MME: variants seen among roughly 807,000 people sequenced by gnomAD.
MME encodes neprilysin.
MME carries 98 observed loss-of-function variants against 113.2 expected under a neutral mutation model. The observed-to-expected ratio is 0.87, with a 90% CI of 0.74 to 1.02. MME has a LOEUF of 1.02. Ranked by LOEUF, MME falls within the 50% of genes least tolerant of loss-of-function variation. The pLI, the probability that MME is intolerant of heterozygous loss-of-function variation, is 0.00. For missense variants in MME, 836 were observed against 896.0 expected, an observed-to-expected ratio of 0.93 and a Z score of 0.86; for synonymous variants, 292 against 300.6, an observed-to-expected ratio of 0.97 and a Z score of 0.30.
chr3:155,143,863 A>G (rs555918457), intron 13 of MME, among the ~76,000 whole-genome samples: 5 of 152,162 alleles, frequency 3.3e-5, no homozygotes, highest in Non-Finnish European at 7.4e-5. Context: ...TCATTTATAA[A>G]CTCTTCTATT....
intron 1 of MME, among the ~76,000 whole-genome samples, chr3:155,056,000 A>G (rs1367875928): frequency 6.6e-6 from 1 of 151,916 alleles, no homozygotes; most frequent in Non-Finnish European, 1.5e-5. Context: ...TCCTCAATTC[A>G]CTTACCATCA....
At chr3:155,072,826 A>G (rs1714625507) in intron 1 of MME, among the ~76,000 whole-genome samples, 1 of 152,188 alleles carries the variant, frequency 6.6e-6, no homozygotes, top group Non-Finnish European at 1.5e-5. Context: ...AAAATTCTGG[A>G]TAATATAAAT....
Position 155,142,277 on chromosome 3 carries a change from C to T in MME, c.1135C>T (p.Leu379Phe). The T allele has an allele frequency of 1.2e-6, 2 of 1,613,582 alleles. No individual in the cohort carries two copies. Among genetic ancestry groups the T allele is most frequent in the Non-Finnish European group, 8.5e-7 (1 of 1,179,684 alleles). The change falls in exon 12 of 23, where the codon CTT (leucine) becomes TTT (phenylalanine). Residue 379 changes from leucine to phenylalanine, a missense_variant. By Grantham distance (22) the Leu-to-Phe change is conservative. Coordinates refer to ENST00000360490, the MANE Select transcript of MME (RefSeq NM_007289.4). Reference sequence around the variant, plus strand: ...AATGTCCTGGAGATTCATAATGGATCTTGTAAGCAGCCTCAGCCGAACCTA... The same window carrying T: ...AATGTCCTGGAGATTCATAATGGATTTTGTAAGCAGCCTCAGCCGAACCTA... Reference protein sequence around the residue: ...NLMSWRFIMDLVSSLSRTYKE... With the variant: ...NLMSWRFIMDFVSSLSRTYKE...
chr3:155,040,524 A>G (rs1461033909), intron 1 of MME, among the ~76,000 whole-genome samples: 1 of 151,880 alleles, frequency 6.6e-6, no homozygotes, highest in African/African-American at 2.4e-5. Flanking sequence ...ATTTATGTAT[A>G]TATAATATAT....
intron 1 of MME, among the ~76,000 whole-genome samples, chr3:155,031,295 T>C (rs913014419): frequency 3.9e-5 from 6 of 152,158 alleles, no homozygotes; most frequent in Admixed American, 1.3e-4. Flanking sequence ...TTTCAGTAGT[T>C]TCATTTTCAT....
chr3:155,112,220 T>C (rs1314988312), intron 3 of MME: 2 of 152,210 alleles, frequency 1.3e-5, no homozygotes, highest in Non-Finnish European at 2.9e-5. Flanking sequence ...GAAAAATGAA[T>C]ATGTTGTGAG....
At chr3:155,056,851 G>A (rs1231666847) in intron 1 of MME, among the ~76,000 whole-genome samples, 1 of 152,128 alleles carries the variant, frequency 6.6e-6, no homozygotes, top group Non-Finnish European at 1.5e-5. Context: ...GGGGAAAGGA[G>A]TCCCTATTTA....
At chr3:155,035,371 A>G (rs1171524747) in intron 1 of MME, among the ~76,000 whole-genome samples, 1 of 150,582 alleles carries the variant, frequency 6.6e-6, no homozygotes, top group Non-Finnish European at 1.5e-5. Flanking sequence ...TATTAAGTGC[A>G]TCATTCCAAG....
chr3:155,089,528 A>G (rs1420646255), intron 3 of MME, among the ~76,000 whole-genome samples: 3 of 152,202 alleles, frequency 2.0e-5, no homozygotes, highest in Non-Finnish European at 4.4e-5. Context: ...CAACCAAAAA[A>G]TGTCTCTAGC....
chr3:155,180,858 A>G lies in MME; in HGVS notation c.*399A>G. On this transcript the variant is annotated 3_prime_UTR_variant, in exon 23 of 23. Transcript: ENST00000360490. ...TACAGTTAGGCACCAGAAGAACAGT[A>G]GGTGACACTATAGTTTAAAACACAT... 4.3e-6 allele frequency: 1 copy of G among 234,088 alleles called. No individual in the cohort carries two copies. The highest frequency in any genetic ancestry group is 8.6e-6 in the Non-Finnish European group (1 of 115,808). 14.5% of individuals were successfully genotyped at this position (234,088 alleles called of 1,614,324 possible).
At chr3:155,097,641 C>T (rs1263111203) in intron 3 of MME, among the ~76,000 whole-genome samples, 1 of 152,156 alleles carries the variant, frequency 6.6e-6, no homozygotes, top group Non-Finnish European at 1.5e-5. Context: ...TCCTCCTCCC[C>T]CTTTTATTTA....
At chr3:155,029,298 G>C (rs1712891460) in intron 1 of MME, among the ~76,000 whole-genome samples, 1 of 151,794 alleles carries the variant, frequency 6.6e-6, no homozygotes, top group Admixed American at 6.6e-5. Flanking sequence ...GACCATATAA[G>C]AGTTTCATAA....
intron 8 of MME, among the ~76,000 whole-genome samples, chr3:155,135,596 T>G (rs1197173677): frequency 6.6e-6 from 1 of 152,164 alleles, no homozygotes; most frequent in Non-Finnish European, 1.5e-5. Context: ...TCTTGTTGCT[T>G]AGGATTACTT....
At chr3:155,148,014 C>G (rs1235316241) in intron 15 of MME, among the ~76,000 whole-genome samples, 1 of 152,158 alleles carries the variant, frequency 6.6e-6, no homozygotes, top group Non-Finnish European at 1.5e-5. Flanking sequence ...AACACAGACT[C>G]AAAACCAAGT....
At chr3:155,056,775 C>G (rs1201201925) in intron 1 of MME, among the ~76,000 whole-genome samples, 2 of 152,140 alleles carry the variant, frequency 1.3e-5, no homozygotes, top group African/African-American at 2.4e-5. Context: ...AATGGTTGAA[C>G]TAGTTTACAG....
intron 8 of MME, among the ~76,000 whole-genome samples, chr3:155,134,158 TCAGGGGGTA>T (rs1481850565): frequency 1.3e-5 from 2 of 152,110 alleles, no homozygotes; most frequent in Non-Finnish European, 2.9e-5. Context: ...TATTTTAGAT[TCAGGGGGTA>T]CATGTGTAGT....
chr3:155,099,593 A>G (rs1717030053), intron 3 of MME, among the ~76,000 whole-genome samples: 1 of 152,206 alleles, frequency 6.6e-6, no homozygotes, highest in South Asian at 2.1e-4. Context: ...AAGCAAGCCA[A>G]GTATTAAATG....
chr3:155,116,541 A>G lies in MME; in HGVS notation c.421A>G (p.Arg141Gly). 1 of 1,610,894 alleles carries G rather than the reference A, an allele frequency of 6.2e-7. No individual in the cohort carries two copies. The highest frequency in any genetic ancestry group is 1.1e-5 in the South Asian group (1 of 90,972). ...AGTGCAGAAAGCAAAAGCATTGTAC[A>G]GGTCTTGTATAAATGAATGTAAGTG... ...VAVQKAKALY[R>G]SCINESAIDS... The change falls in exon 5 of 23, where the codon AGG (arginine) becomes GGG (glycine). Residue 141 changes from arginine to glycine, a missense_variant. By Grantham distance (125) the Arg-to-Gly change is moderately radical. Transcript: ENST00000360490.
At chr3:155,117,044 T>C (rs1368501894) in intron 7 of MME, 58 bp downstream of exon 7, 1 of 952,814 alleles carries the variant, frequency 1.0e-6, no homozygotes, top group East Asian at 2.4e-5. Flanking sequence ...AACTTCCACA[T>C]ACATTGTTGT....
Sources: gnomAD v4.1 joint callset for allele counts (sites outside exome capture counted in the v4.1 genomes callset) on GRCh38, gnomAD v4.1.1 for gene constraint, MANE v1.5 for transcripts, NCBI Gene and HGNC (gene_info 2026-07-23, HGNC 2026-07-21) for gene names.